IFIT1B: variants seen among roughly 807,000 people sequenced by gnomAD.
IFIT1B encodes protein IFIT1 homolog B.
In IFIT1B, 3 loss-of-function variants were observed where a neutral mutation model predicts 2.5. That is an observed-to-expected ratio of 1.21 (90% CI 0.55 to 3.14). The LOEUF is 3.14. IFIT1B is among the 30% of genes most tolerant of loss of function. IFIT1B has a pLI of 0.03. For synonymous variants in IFIT1B, 196 were observed against 203.0 expected, an observed-to-expected ratio of 0.97 and a Z score of 0.29; for missense variants, 545 against 556.5, an observed-to-expected ratio of 0.98 and a Z score of 0.21.
In IFIT1B at chr10:89,379,801, G is replaced by A. The variant is rs142251059; in HGVS notation, c.5+1661G>A. On this transcript the variant is annotated intron_variant, in intron 1 of 1. Coordinates refer to ENST00000371809, the MANE Select transcript of IFIT1B (RefSeq NM_001010987.2). ...TGTAATCCCAGCACTTTGGGAGGCC[G>A]AGATGGGCAGATCACGAGGTCAGGA... 3.0e-3 allele frequency among the ~76,000 whole-genome samples: 453 copies of A among 152,244 alleles called. 1 individual carries two copies. The highest frequency in any genetic ancestry group is 0.01 in the African/African-American group (424 of 41,550).
chr10:89,378,454 C>T (rs1228053600), intron 1 of IFIT1B, among the ~76,000 whole-genome samples: 1 of 152,078 alleles, frequency 6.6e-6, no homozygotes, highest in Non-Finnish European at 1.5e-5. Context: ...GAGGAGAGAA[C>T]CAGACCCAAG....
rs550443754 is a variant in IFIT1B, at chr10:89,384,757, C to G, written c.*19C>G. 4.6e-6 allele frequency: 7 copies of G among 1,519,064 alleles called. No individual in the cohort carries two copies. The highest frequency in any genetic ancestry group is 2.0e-5 in the Admixed American group (1 of 51,020). 94.1% of individuals were successfully genotyped at this position (1,519,064 alleles called of 1,614,324 possible). A position where few individuals can be genotyped will look rare whatever the true frequency, so the allele number is the denominator to read the frequency against. ...ATTTTAACATAGAGGTCACCATTAT[C>G]CATTTAATGGTCTTATAACTAAATA... On this transcript the variant is annotated 3_prime_UTR_variant, in exon 2 of 2. Transcript: ENST00000371809.
At position 89,383,573 on chromosome 10, in the gene IFIT1B, C is replaced by A. The variant is rs751651301; in HGVS notation, c.260C>A (p.Ala87Asp). ...KAEDLIQKEH[A>D]NQADIRSLVT... ...GAAGACTTAATTCAGAAAGAACATG[C>A]CAACCAAGCAGATATTAGAAGTCTG... Residue 87 changes from alanine (A) to aspartate (D), a missense_variant, in exon 2 of 2, where the codon GCC becomes GAC. Coordinates refer to ENST00000371809, the MANE Select transcript of IFIT1B (RefSeq NM_001010987.2). The A allele has an allele frequency of 1.9e-6, 3 of 1,614,174 alleles. No individual in the cohort carries two copies. In the Admixed American group the frequency reaches 5.0e-5, roughly 27 times the overall value.
chr10:89,384,066 CTA>C lies in IFIT1B; in HGVS notation c.755_756del (p.Tyr252CysfsTer17). The C allele has an allele frequency of 6.2e-7, 1 of 1,614,170 alleles. No individual in the cohort carries two copies. The highest frequency in any genetic ancestry group is 8.5e-7 in the Non-Finnish European group (1 of 1,180,040). ...CTCTGACCAGTATATCTTCACAGGC[CTA>C]TGTCTTTCAATATGCAGCCAAGTTT... The part of the protein sequence containing the change: ...EALTSISSQA[Y>X]VFQYAAKFYR... On this transcript the variant is annotated frameshift_variant, in exon 2 of 2. Coordinates refer to ENST00000371809, the MANE Select transcript of IFIT1B (RefSeq NM_001010987.2). LOFTEE classifies it low-confidence loss of function (END_TRUNC).
At chr10:89,380,007 C>G (rs1461079172) in intron 1 of IFIT1B, among the ~76,000 whole-genome samples, 1 of 151,634 alleles carries the variant, frequency 6.6e-6, no homozygotes, top group African/African-American at 2.4e-5. Flanking sequence ...TGCACTCCAG[C>G]CTGGGCAACA....
chr10:89,381,203 T>C (rs1042038629), intron 1 of IFIT1B, among the ~76,000 whole-genome samples: 3 of 152,168 alleles, frequency 2.0e-5, no homozygotes, highest in East Asian at 1.9e-4. Context: ...TCTAGAGTAA[T>C]GGAAGTCTGT....
rs756548372 is a variant in IFIT1B at position 89,383,598 on chromosome 10, G to A, written c.285G>A (p.Leu95=). The change falls in exon 2 of 2, where the codon CTG becomes CTA. Residue 95 remains leucine (L), a synonymous_variant. Transcript: ENST00000371809. ...EHANQADIRS[L]VTWGNFAWVY... ...CCAACCAAGCAGATATTAGAAGTCT[G>A]GTGACCTGGGGCAACTTTGCCTGGG... 1.9e-6 allele frequency: 3 copies of A among 1,614,202 alleles called. No individual in the cohort carries two copies. The highest frequency in any genetic ancestry group is 2.5e-6 in the Non-Finnish European group (3 of 1,180,034).
Position 89,383,478 on chromosome 10 carries a change from C to T in IFIT1B, c.165C>T (p.His55=). The T allele has an allele frequency of 6.2e-7, 1 of 1,614,218 alleles. No homozygotes were observed. The highest frequency in any genetic ancestry group is 8.5e-7 in the Non-Finnish European group (1 of 1,180,042). ...FLDTKYNVGI[H]NLLAYVKHLK... is the part of the protein sequence containing the mutation. ...ACACCAAATACAATGTGGGAATACA[C>T]AACCTACTAGCCTATGTGAAACACC... Residue 55 remains histidine (H), a synonymous_variant, in exon 2 of 2, where the codon CAC becomes CAT. Transcript: ENST00000371809.
At position 89,383,833 on chromosome 10, in the gene IFIT1B, A is replaced by G; in HGVS notation, c.520A>G (p.Asn174Asp). ...FEKALEGNPE[N>D]PEFNTGYAIT... ...AAAGGCTCTGGAAGGGAACCCTGAAAACCCTGAATTCAATACTGGGTACGC... is the reference window on the plus strand; with the variant it reads ...AAAGGCTCTGGAAGGGAACCCTGAAGACCCTGAATTCAATACTGGGTACGC... Residue 174 changes from asparagine (N) to aspartate (D), a missense_variant, in exon 2 of 2, where the codon AAC becomes GAC. Asn to Asp is a conservative substitution (Grantham distance 23, BLOSUM62 1). Coordinates refer to ENST00000371809, the MANE Select transcript of IFIT1B (RefSeq NM_001010987.2). The G allele has an allele frequency of 6.2e-7, 1 of 1,614,194 alleles. No homozygotes were observed.
chr10:89,383,454 C>T lies in IFIT1B; in HGVS notation c.141C>T (p.Asp47=), dbSNP rs1184688723. ...NRIWEEIQFL[D]TKYNVGIHNL... ...TCTGGGAAGAGATTCAGTTCCTGGA[C>T]ACCAAATACAATGTGGGAATACACA... The change falls in exon 2 of 2, where the codon GAC becomes GAT. Residue 47 remains aspartate (D), a synonymous_variant. Transcript: ENST00000371809. The T allele has an allele frequency of 3.7e-6, 6 of 1,614,152 alleles. No individual in the cohort carries two copies. In the South Asian group the frequency reaches 5.5e-5, roughly 15 times the overall value.
chr10:89,383,187 C>A, intron 1 of IFIT1B, 132 bp from the exon 2 acceptor site: 1 of 773,306 alleles, frequency 1.3e-6, no homozygotes, highest in Non-Finnish European at 2.1e-6. Context: ...GACTGTAGAA[C>A]CCAGAGGGGC....
intron 1 of IFIT1B, among the ~76,000 whole-genome samples, chr10:89,381,588 T>C (rs1791857251): frequency 6.6e-6 from 1 of 152,100 alleles, no homozygotes; most frequent in Admixed American, 6.5e-5. Flanking sequence ...TGGGCAGGAA[T>C]GCACTCAAGG....
At position 89,378,119 on chromosome 10, in the gene IFIT1B, G is replaced by A. The variant is rs754431990; in HGVS notation, c.-17G>A. The A allele has an allele frequency of 6.2e-7, 1 of 1,613,782 alleles. No individual in the cohort carries two copies. The highest frequency in any genetic ancestry group is 1.1e-5 in the South Asian group (1 of 91,056). On this transcript the variant is annotated 5_prime_UTR_variant, in exon 1 of 2. Coordinates refer to ENST00000371809, the MANE Select transcript of IFIT1B (RefSeq NM_001010987.2). The stretch of plus-strand genomic sequence containing the variant: ...TGAACCAAAGCACTACAGATCACCT[G>A]CTATCTTCATAGCACCATGAGGTAA...
chr10:89,384,341 A>G lies in IFIT1B; in HGVS notation c.1028A>G (p.Tyr343Cys), dbSNP rs761969301. The G allele has an allele frequency of 2.0e-5, 32 of 1,614,104 alleles. No homozygotes were observed. Among genetic ancestry groups the G allele is most frequent in the African/African-American group, 9.3e-5 (7 of 74,952 alleles). The stretch of plus-strand genomic sequence containing the variant: ...TTAAAGCGAACATTTGAGATGGCCT[A>G]TGTTGACCTGGCTGAAACGTATGCA... ...IMLKRTFEMAYVDLAETYAEI... is the reference protein window; with the variant it reads ...IMLKRTFEMACVDLAETYAEI... Residue 343 changes from tyrosine to cysteine, a missense_variant, in exon 2 of 2, where the codon TAT (tyrosine) becomes TGT (cysteine). Physicochemically the swap from Tyr to Cys is radical, Grantham distance 194. Coordinates refer to ENST00000371809, the MANE Select transcript of IFIT1B (RefSeq NM_001010987.2).
rs1844176997 is a variant in IFIT1B at position 89,383,325 on chromosome 10, AT to A, written c.13del (p.Ser5LeufsTer10). 1.2e-6 allele frequency: 2 copies of A among 1,609,904 alleles called. No individual in the cohort carries two copies. The highest frequency in any genetic ancestry group is 2.7e-5 in the African/African-American group (2 of 74,600). On this transcript the variant is annotated frameshift_variant, in exon 2 of 2. Transcript: ENST00000371809. LOFTEE classifies it low-confidence loss of function (END_TRUNC). ...TTGCTGCCTATTTTTACAGTGAAGA[AT>A]CTGATGGAAAGCTTATTGAAGACAG... is the stretch of plus-strand genomic sequence containing the variant. MSEE[S>X]DGKLIEDSLI...
rs1844185421 is a variant in IFIT1B, at chr10:89,384,143, C to T, written c.830C>T (p.Ala277Val). Residue 277 changes from alanine to valine, a missense_variant, in exon 2 of 2, where the codon GCC (alanine) becomes GTC (valine). By Grantham distance (64) the Ala-to-Val change is moderately conservative (BLOSUM62 0). Transcript: ENST00000371809. ...VDKALELLKM[A>V]LETTPTSAFL... ...AAAGCTCTTGAGCTCTTAAAAATGG[C>T]CTTGGAGACAACACCCACTTCTGCC... The T allele has an allele frequency of 1.2e-6, 2 of 1,614,006 alleles. No homozygotes were observed. Among genetic ancestry groups the T allele is most frequent in the African/African-American group, 1.3e-5 (1 of 74,892 alleles).
At chr10:89,383,184 G>C (rs1044469317) in intron 1 of IFIT1B, 135 bp from the exon 2 acceptor site, 1 of 747,306 alleles carries the variant, frequency 1.3e-6, no homozygotes, top group Admixed American at 2.9e-5. Context: ...CATGACTGTA[G>C]AACCCAGAGG....
intron 1 of IFIT1B, among the ~76,000 whole-genome samples, chr10:89,380,435 CTT>C (rs58504474): frequency 5.0e-4 from 71 of 140,826 alleles, no homozygotes; most frequent in Middle Eastern, 3.7e-3. Flanking sequence ...ACAAACTCAT[CTT>C]TTTTTTTTTT....
In IFIT1B at chr10:89,378,134, C is replaced by G. The variant is rs1304365122; in HGVS notation, c.-2C>G. The G allele has an allele frequency of 1.9e-6, 3 of 1,613,962 alleles. No individual in the cohort carries two copies. Among genetic ancestry groups the G allele is most frequent in the Non-Finnish European group, 2.5e-6 (3 of 1,179,842 alleles). ...CAGATCACCTGCTATCTTCATAGCACCATGAGGTAAAGTCTTTCTCTGCTT... is the reference window on the plus strand; with the variant it reads ...CAGATCACCTGCTATCTTCATAGCAGCATGAGGTAAAGTCTTTCTCTGCTT... On this transcript the variant is annotated 5_prime_UTR_variant, in exon 1 of 2. Transcript: ENST00000371809.
Sources: gnomAD v4.1 joint callset for allele counts (sites outside exome capture counted in the v4.1 genomes callset) on GRCh38, gnomAD v4.1.1 for gene constraint, MANE v1.5 for transcripts, NCBI Gene and HGNC (gene_info 2026-07-23, HGNC 2026-07-21) for gene names.